Variants in C2CD5 observed in about 807,000 individuals in gnomAD.
The protein encoded by C2CD5 is C2 calcium dependent domain containing 5, also known as C2 domain-containing protein 5.
C2CD5 carries 109 observed loss-of-function variants against 130.3 expected under a neutral mutation model. That is an observed-to-expected ratio of 0.84 (90% CI 0.72 to 0.98). C2CD5 has a LOEUF of 0.98. Among genes scored for constraint, C2CD5 ranks in the 50% least tolerant of loss-of-function variants. The pLI is 0.00. For synonymous variants in C2CD5, 454 were observed against 429.2 expected, an observed-to-expected ratio of 1.06 and a Z score of -0.71; for missense variants, 996 against 1,261.8, an observed-to-expected ratio of 0.79 and a Z score of 3.19.
At chr12:22,487,492 C>T (rs1339648916) in intron 12 of C2CD5, among the ~76,000 whole-genome samples, 1 of 152,164 alleles carries the variant, frequency 6.6e-6, no homozygotes, top group Non-Finnish European at 1.5e-5. Flanking sequence ...CAAATCAAAA[C>T]CACGATGAGA....
intron 2 of C2CD5, among the ~76,000 whole-genome samples, chr12:22,540,298 ATAT>A (rs1952238533): frequency 1.3e-5 from 2 of 152,166 alleles, no homozygotes; most frequent in African/African-American, 4.8e-5. Context: ...TTTTCTCCAT[ATAT>A]TATTCTTAAG....
intron 11 of C2CD5, 74 bp downstream of exon 11, chr12:22,493,149 T>G (rs1946573250): frequency 1.2e-6 from 1 of 815,792 alleles, no homozygotes. Context: ...TTCTTTTATT[T>G]GCATGAAGCT....
At chr12:22,495,693 G>A (rs1423452207) in intron 10 of C2CD5, among the ~76,000 whole-genome samples, 1 of 151,994 alleles carries the variant, frequency 6.6e-6, no homozygotes, top group East Asian at 1.9e-4. Context: ...TATTTAATAA[G>A]TATTTACAAG....
chr12:22,450,869 T>C (rs1938442593), intron 26 of C2CD5, among the ~76,000 whole-genome samples: 1 of 152,072 alleles, frequency 6.6e-6, no homozygotes, highest in Non-Finnish European at 1.5e-5. Flanking sequence ...TGGAGTGTTA[T>C]GTGGTTGTAA....
At chr12:22,521,951 G>A (rs974199082) in intron 7 of C2CD5, among the ~76,000 whole-genome samples, 3 of 152,120 alleles carry the variant, frequency 2.0e-5, no homozygotes, top group Admixed American at 1.3e-4. Flanking sequence ...AAACATTTTA[G>A]GTTTCCTGAC....
intron 22 of C2CD5, among the ~76,000 whole-genome samples, chr12:22,461,032 T>C (rs1941041158): frequency 6.6e-6 from 1 of 152,198 alleles, no homozygotes; most frequent in Non-Finnish European, 1.5e-5. Flanking sequence ...ACTGGAGATC[T>C]AGATAGGAAA....
At chr12:22,469,156 A>T (rs1942598465) in intron 22 of C2CD5, among the ~76,000 whole-genome samples, 1 of 152,172 alleles carries the variant, frequency 6.6e-6, no homozygotes, top group Non-Finnish European at 1.5e-5. Flanking sequence ...TAAATTAAGG[A>T]GCTATCAATT....
intron 3 of C2CD5, among the ~76,000 whole-genome samples, chr12:22,530,109 T>TATATATAC (rs1555205909): frequency 4.7e-5 from 5 of 106,698 alleles, no homozygotes; most frequent in Non-Finnish European, 7.2e-5. Flanking sequence ...TATATATATA[T>TATATATAC]ATACACACAC....
Position 22,484,516 on chromosome 12 carries a change from T to A in C2CD5, c.1550+181A>T, listed in dbSNP as rs1945196584. 7 of 411,760 alleles carry A rather than the reference T, an allele frequency of 1.7e-5. No homozygotes were observed. In the East Asian group the frequency reaches 2.5e-4, roughly 15 times the overall value. 25.5% of individuals were successfully genotyped at this position (411,760 alleles called of 1,614,324 possible). A position where few individuals can be genotyped will look rare whatever the true frequency, so the allele number is the denominator to read the frequency against. On this transcript the variant is annotated intron_variant, in intron 13 of 26. Transcript: ENST00000446597. Reference sequence around the variant, plus strand: ...AAACTGCTTTTGTACACAAACTTATTTGAGTTTTACACAGAGGGTTTTTTT... The same window carrying A: ...AAACTGCTTTTGTACACAAACTTATATGAGTTTTACACAGAGGGTTTTTTT...
chr12:22,479,746 T>C (rs1944435385), intron 14 of C2CD5, among the ~76,000 whole-genome samples: 1 of 152,186 alleles, frequency 6.6e-6, no homozygotes, highest in Non-Finnish European at 1.5e-5. Flanking sequence ...TATATTTCAT[T>C]AGTACTGGAA....
intron 15 of C2CD5, among the ~76,000 whole-genome samples, chr12:22,477,045 A>G (rs1292686247): frequency 6.6e-6 from 1 of 152,172 alleles, no homozygotes; most frequent in African/African-American, 2.4e-5. Flanking sequence ...ATTTTAAAGA[A>G]GCCCTAAGTC....
chr12:22,510,509 T>C (rs1949069193), intron 9 of C2CD5, among the ~76,000 whole-genome samples: 1 of 152,194 alleles, frequency 6.6e-6, no homozygotes, highest in African/African-American at 2.4e-5. Flanking sequence ...TTAGGAGCTA[T>C]TTAAATAGTT....
At chr12:22,500,185 A>G (rs1218724130) in intron 10 of C2CD5, among the ~76,000 whole-genome samples, 3 of 152,146 alleles carry the variant, frequency 2.0e-5, no homozygotes, top group Non-Finnish European at 4.4e-5. Flanking sequence ...TTCCATCTCC[A>G]AAACAAAAAA....
At chr12:22,508,768 G>C (rs754389794) in intron 9 of C2CD5, among the ~76,000 whole-genome samples, 6 of 151,918 alleles carry the variant, frequency 3.9e-5, no homozygotes, top group African/African-American at 7.2e-5. Flanking sequence ...TTTTTTTTCA[G>C]TGTTAGGATC....
At chr12:22,503,717 G>T (rs1948105261) in intron 10 of C2CD5, among the ~76,000 whole-genome samples, 1 of 152,058 alleles carries the variant, frequency 6.6e-6, no homozygotes, top group Non-Finnish European at 1.5e-5. Context: ...TCACCATGCT[G>T]CCCAGGCCGG....
chr12:22,535,172 C>A, intron 3 of C2CD5, 86 bp downstream of exon 3: 1 of 755,440 alleles, frequency 1.3e-6, no homozygotes, highest in Non-Finnish European at 2.3e-6. Context: ...ACTACTATGC[C>A]TGAAATAAAA....
chr12:22,513,997 A>G (rs1949460861), intron 8 of C2CD5, among the ~76,000 whole-genome samples: 1 of 152,216 alleles, frequency 6.6e-6, no homozygotes, highest in Non-Finnish European at 1.5e-5. Flanking sequence ...AACCACAGAC[A>G]TGTAATAGAC....
At chr12:22,537,007 T>C (rs1174382213) in intron 2 of C2CD5, among the ~76,000 whole-genome samples, 7 of 152,218 alleles carry the variant, frequency 4.6e-5, no homozygotes, top group Non-Finnish European at 8.8e-5. Context: ...TTATATGAAG[T>C]AAAATACTGT....
chr12:22,468,123 C>A (rs1942406213), intron 22 of C2CD5, among the ~76,000 whole-genome samples: 1 of 143,982 alleles, frequency 6.9e-6, no homozygotes, highest in African/African-American at 2.6e-5. Context: ...TGAAATTATA[C>A]CTAGAAGTGA....
Sources: allele counts gnomAD v4.1 joint callset (sites outside exome capture counted in the v4.1 genomes callset), GRCh38; gene constraint gnomAD v4.1.1; transcripts MANE v1.5; gene names NCBI Gene and HGNC (gene_info 2026-07-23, HGNC 2026-07-21).